DLGAP4: variants seen among roughly 807,000 people sequenced by gnomAD.
The protein encoded by DLGAP4 is disks large-associated protein 4.
A neutral mutation model predicts 86.9 loss-of-function variants in DLGAP4; 18 were observed. The observed-to-expected ratio is 0.21, with a 90% CI of 0.14 to 0.31. DLGAP4 has a LOEUF of 0.31. Among genes scored for constraint, DLGAP4 ranks in the 10% least tolerant of loss-of-function variants. The pLI is 1.00. For missense variants in DLGAP4, 1,085 were observed against 1,362.6 expected (o/e 0.80, Z 3.21); for synonymous variants, 548 against 574.3 (o/e 0.95, Z 0.65).
At chr20:36,402,971 G>C (rs956313305) in intron 2 of DLGAP4, among the ~76,000 whole-genome samples, 1 of 152,158 alleles carries the variant, frequency 6.6e-6, no homozygotes, top group African/African-American at 2.4e-5. Flanking sequence ...GGCTTAAAGA[G>C]AGCACAGAAT....
intron 2 of DLGAP4, among the ~76,000 whole-genome samples, chr20:36,429,390 CTTTT>C (rs1462843213): frequency 8.2e-6 from 1 of 121,836 alleles, no homozygotes; most frequent in African/African-American, 3.1e-5. Flanking sequence ...ATTCCTGTTT[CTTTT>C]TTTCTTTTTT....
intron 1 of DLGAP4, among the ~76,000 whole-genome samples, chr20:36,361,720 G>A (rs558345645): frequency 1.3e-5 from 2 of 151,916 alleles, no homozygotes; most frequent in South Asian, 4.2e-4. Flanking sequence ...TGCCTGTAAT[G>A]CCAGCACTTT....
At chr20:36,525,606 A>G (rs1267895272) in intron 11 of DLGAP4, 3 of 575,962 alleles carry the variant, frequency 5.2e-6, no homozygotes, top group Admixed American at 6.0e-5. Context: ...ATACACATAC[A>G]TTAGGGACAG....
chr20:36,413,962 G>T (rs1009713774), intron 2 of DLGAP4, among the ~76,000 whole-genome samples: 2 of 152,168 alleles, frequency 1.3e-5, no homozygotes, highest in Non-Finnish European at 2.9e-5. Context: ...TGGGGAAGAA[G>T]TAGAGTGAGA....
At chr20:36,365,581 G>A (rs6072234) in intron 1 of DLGAP4, among the ~76,000 whole-genome samples, 31,010 of 152,200 alleles carry the variant, frequency 0.2, 4,265 homozygotes, top group Non-Finnish European at 0.31. Flanking sequence ...CTCTTCCTGG[G>A]TGTGTGGTTG....
chr20:36,445,228 A>G (rs2033558415), intron 6 of DLGAP4, among the ~76,000 whole-genome samples: 1 of 152,142 alleles, frequency 6.6e-6, no homozygotes, highest in South Asian at 2.1e-4. Flanking sequence ...AGATTTGGCC[A>G]GGCGCAGTGG....
At chr20:36,321,452 G>A (rs1223994524) in intron 1 of DLGAP4, among the ~76,000 whole-genome samples, 3 of 152,256 alleles carry the variant, frequency 2.0e-5, no homozygotes, top group Non-Finnish European at 2.9e-5. Flanking sequence ...CATAGCTGGG[G>A]CAGCTGGTCA....
intron 1 of DLGAP4, among the ~76,000 whole-genome samples, chr20:36,355,985 C>G (rs1205139580): frequency 6.6e-6 from 1 of 152,236 alleles, no homozygotes; most frequent in Non-Finnish European, 1.5e-5. Context: ...GTGTTCCATC[C>G]TCTAGGCCTG....
At chr20:36,421,300 AC>A (rs1462123293) in intron 2 of DLGAP4, among the ~76,000 whole-genome samples, 1 of 151,862 alleles carries the variant, frequency 6.6e-6, no homozygotes, top group African/African-American at 2.4e-5. Flanking sequence ...TGCTAAGAAT[AC>A]AAAAAAATTG....
chr20:36,316,200 C>T (rs1213624843), intron 1 of DLGAP4, among the ~76,000 whole-genome samples: 1 of 152,208 alleles, frequency 6.6e-6, no homozygotes, highest in East Asian at 1.9e-4. Flanking sequence ...TGATTTCCTG[C>T]TGGTGCGTCC....
intron 2 of DLGAP4, among the ~76,000 whole-genome samples, chr20:36,429,398 C>CTTTTTTTTTTT (rs151254062): frequency 1.7e-4 from 13 of 76,046 alleles, no homozygotes; most frequent in East Asian, 4.5e-4. Flanking sequence ...TTCTTTTTTT[C>CTTTTTTTTTTT]TTTTTTTTTT....
intron 1 of DLGAP4, among the ~76,000 whole-genome samples, chr20:36,314,173 G>A (rs1356856081): frequency 2.1e-4 from 32 of 151,744 alleles, no homozygotes; most frequent in Admixed American, 2.1e-3. Flanking sequence ...GGCTCTGGGC[G>A]GCCTGGGGGT....
chr20:36,423,688 G>A (rs1048411886), intron 2 of DLGAP4, among the ~76,000 whole-genome samples: 1 of 151,668 alleles, frequency 6.6e-6, no homozygotes, highest in Non-Finnish European at 1.5e-5. Flanking sequence ...ATTTTTAAAA[G>A]TAAGGATCAT....
At chr20:36,499,176 G>T (rs1287224913) in intron 8 of DLGAP4, 9 of 1,432,080 alleles carry the variant, frequency 6.3e-6, no homozygotes, top group Non-Finnish European at 7.7e-6. Flanking sequence ...GTGGCTTTGT[G>T]TGTGTGTGTG....
chr20:36,371,816 A>G (rs995693489), intron 2 of DLGAP4, among the ~76,000 whole-genome samples: 7 of 152,018 alleles, frequency 4.6e-5, no homozygotes, highest in African/African-American at 1.7e-4. Flanking sequence ...TTTCTGTAAG[A>G]ATTATATGTG....
chr20:36,422,530 G>C (rs1451736421), intron 2 of DLGAP4, among the ~76,000 whole-genome samples: 1 of 152,208 alleles, frequency 6.6e-6, no homozygotes. Context: ...AAGCAGTTTG[G>C]ACTGAGGTGG....
intron 6 of DLGAP4, among the ~76,000 whole-genome samples, chr20:36,445,237 G>A (rs576298480): frequency 1.4e-4 from 21 of 152,106 alleles, no homozygotes; most frequent in Non-Finnish European, 2.9e-4. Flanking sequence ...CAGGCGCAGT[G>A]GCTCATGCCT....
intron 1 of DLGAP4, among the ~76,000 whole-genome samples, chr20:36,318,167 C>T (rs983931682): frequency 6.8e-6 from 1 of 146,980 alleles, no homozygotes; most frequent in Middle Eastern, 3.5e-3. Flanking sequence ...CAGTCTACTC[C>T]AGGAGTGACT....
intron 10 of DLGAP4, among the ~76,000 whole-genome samples, chr20:36,509,284 C>T (rs576204374): frequency 5.5e-4 from 83 of 151,772 alleles, no homozygotes; most frequent in African/African-American, 2.0e-3. Flanking sequence ...TAAAAATAAA[C>T]AATTGGCCAG....
Sources: gnomAD v4.1 joint callset for allele counts (sites outside exome capture counted in the v4.1 genomes callset) on GRCh38, gnomAD v4.1.1 for gene constraint, MANE v1.5 for transcripts, NCBI Gene and HGNC (gene_info 2026-07-23, HGNC 2026-07-21) for gene names.